The following CELF6 variants were observed in gnomAD, a reference collection of about 807,000 sequenced individuals.
CELF6 encodes the protein Bruno -like 6, RNA binding protein.
In CELF6, 32 loss-of-function variants were observed where a neutral mutation model predicts 53.1. The ratio of observed to expected loss-of-function variants is 0.60; its 90% CI spans 0.46 to 0.81. The LOEUF (loss-of-function observed/expected upper bound fraction) is 0.81. CELF6 is among the 30% of genes least tolerant of loss of function. CELF6 has a pLI of 0.00. For synonymous variants in CELF6, 291 were observed against 288.8 expected (o/e 1.01, Z -0.08); for missense variants, 539 against 669.5 (o/e 0.81, Z 2.15).
intron 3 of CELF6, among the ~76,000 whole-genome samples, chr15:72,297,281 C>T (rs578084878): frequency 6.6e-6 from 1 of 152,320 alleles, no homozygotes; most frequent in African/African-American, 2.4e-5. Flanking sequence ...AACATCTCCC[C>T]TTTCTCCATA....
At chr15:72,313,518 T>G (rs10152588) in intron 2 of CELF6, 24,922 of 152,258 alleles carry the variant, frequency 0.16, 5,903 homozygotes, top group African/African-American at 0.52. Context: ...TTAATTTTTT[T>G]GGGGGGGACC....
At chr15:72,304,303 C>G (rs528868368) in intron 3 of CELF6, among the ~76,000 whole-genome samples, 3 of 152,250 alleles carry the variant, frequency 2.0e-5, no homozygotes, top group African/African-American at 7.2e-5. Flanking sequence ...TATCTTTTAC[C>G]ATGAGCAGCT....
chr15:72,308,289 C>T (rs1041724272), intron 2 of CELF6, among the ~76,000 whole-genome samples: 4 of 152,086 alleles, frequency 2.6e-5, no homozygotes, highest in Admixed American at 6.5e-5. Flanking sequence ...AGTGCAATGG[C>T]GTAATCTCGC....
intron 3 of CELF6, among the ~76,000 whole-genome samples, chr15:72,291,786 G>C (rs2088009800): frequency 6.6e-6 from 1 of 152,164 alleles, no homozygotes; most frequent in Admixed American, 6.5e-5. Context: ...AGTTCATAAG[G>C]GGCAGGCAAA....
intron 2 of CELF6, among the ~76,000 whole-genome samples, chr15:72,311,060 T>G (rs1438293476): frequency 1.3e-5 from 2 of 152,240 alleles, no homozygotes; most frequent in African/African-American, 4.8e-5. Context: ...TGATAAAATA[T>G]GATCATGATT....
In CELF6 at chr15:72,288,477, C is replaced by T. The variant is rs746499365; in HGVS notation, c.1175-26G>A. On this transcript the variant is annotated intron_variant, in intron 10 of 12. Transcript: ENST00000287202. The surrounding 1 kb of genome is among the most constrained non-coding windows in gnomAD (Gnocchi z 4.6). ...CTGGAGGAACAGTAGCAAGCTGGTT[C>T]AGGGGAAGGACCCTGAGTCCAGCCC... 3 of 1,614,150 alleles carry T rather than the reference C, an allele frequency of 1.9e-6. No homozygotes were observed. Among genetic ancestry groups the T allele is most frequent in the East Asian group, 2.2e-5 (1 of 44,890 alleles).
rs1454939915 is a variant in CELF6, at chr15:72,288,782, G to A, written c.1093+86C>T. On this transcript the variant is annotated intron_variant, in intron 9 of 12. Transcript: ENST00000287202. The surrounding 1 kb of genome is among the most constrained non-coding windows in gnomAD (Gnocchi z 4.6). Reference sequence around the variant, plus strand: ...AGGGGATGGGAGGATCAACTCCTTGGAACAGAGCCTAAATCCCCCACAACT... The same window carrying A: ...AGGGGATGGGAGGATCAACTCCTTGAAACAGAGCCTAAATCCCCCACAACT... The A allele has an allele frequency of 7.1e-7, 1 of 1,409,618 alleles. No individual in the cohort carries two copies. Among genetic ancestry groups the A allele is most frequent in the Non-Finnish European group, 9.8e-7 (1 of 1,017,808 alleles). 87.3% of individuals were successfully genotyped at this position (1,409,618 alleles called of 1,614,324 possible). A position where few individuals can be genotyped will look rare whatever the true frequency, so the allele number is the denominator to read the frequency against.
Position 72,289,847 on chromosome 15 carries a change from G to A in CELF6, c.604-77C>T. ...CCGGGGCCGAGCGCCTTTCCCATCA[G>A]GTCCTTTCGCGGGGCACCGAGCACA... On this transcript the variant is annotated intron_variant, in intron 5 of 12. Transcript: ENST00000287202. This position sits in a 1 kb window ranked among gnomAD's most constrained non-coding sequence, Gnocchi z 7.6. The A allele has an allele frequency of 1.3e-6, 2 of 1,495,736 alleles. No homozygotes were observed. The highest frequency in any genetic ancestry group is 1.8e-6 in the Non-Finnish European group (2 of 1,125,588). 92.7% of individuals were successfully genotyped at this position (1,495,736 alleles called of 1,614,324 possible).
intron 3 of CELF6, among the ~76,000 whole-genome samples, chr15:72,291,527 G>T (rs1371375839): frequency 6.6e-6 from 1 of 152,150 alleles, no homozygotes; most frequent in Non-Finnish European, 1.5e-5. Flanking sequence ...AGGCAGATGG[G>T]GGTCCTTGGA....
intron 3 of CELF6, among the ~76,000 whole-genome samples, chr15:72,297,736 G>A (rs927098652): frequency 4.6e-5 from 7 of 152,162 alleles, no homozygotes; most frequent in African/African-American, 4.8e-5. Context: ...CCATGCTGAC[G>A]GAAATTGGGA....
Position 72,319,149 on chromosome 15 carries a change from G to A in CELF6, c.262+464C>T, listed in dbSNP as rs2088396975. On this transcript the variant is annotated intron_variant, in intron 1 of 12. Transcript: ENST00000287202. This position sits in a 1 kb window ranked among gnomAD's most constrained non-coding sequence, Gnocchi z 5.0. ...CTTGAGGGGGATGGCCGGACTAGGA[G>A]GCCAGAGGAGGGGTGCAAGTCCAAG... Among the ~76,000 whole-genome samples, 2 of 152,244 alleles carry A rather than the reference G, an allele frequency of 1.3e-5. No homozygotes were observed. Among genetic ancestry groups the A allele is most frequent in the South Asian group, 4.2e-4 (2 of 4,816 alleles).
At chr15:72,294,793 C>A (rs980916585) in intron 3 of CELF6, among the ~76,000 whole-genome samples, 3 of 151,228 alleles carry the variant, frequency 2.0e-5, no homozygotes, top group Non-Finnish European at 2.9e-5. Flanking sequence ...GGCTGGCCAA[C>A]ATAGTGAAAC....
chr15:72,288,994 C>G lies in CELF6; in HGVS notation c.1031-64G>C. ...GCGGGCGAGCAGAGTGGGTGAGAAG[C>G]TCAGGGAGTGTGGGAGGTGGACGGC... On this transcript the variant is annotated intron_variant, in intron 8 of 12. Coordinates refer to ENST00000287202, the MANE Select transcript of CELF6 (RefSeq NM_052840.5). This position sits in a 1 kb window ranked among gnomAD's most constrained non-coding sequence, Gnocchi z 4.6. 1 of 1,451,264 alleles carries G rather than the reference C, an allele frequency of 6.9e-7. No homozygotes were observed. The highest frequency in any genetic ancestry group is 9.4e-7 in the Non-Finnish European group (1 of 1,064,256). The allele number at this position is 1,451,264 out of a possible 1,614,324, so 89.9% of individuals were successfully genotyped here.
chr15:72,308,200 C>T (rs1339062974), intron 2 of CELF6, among the ~76,000 whole-genome samples: 2 of 151,734 alleles, frequency 1.3e-5, no homozygotes, highest in African/African-American at 2.4e-5. Flanking sequence ...TTAGTAGATA[C>T]CTCAGATATA....
In CELF6 at chr15:72,286,045, G is replaced by T. The variant is rs895414280; in HGVS notation, c.*326C>A. On this transcript the variant is annotated 3_prime_UTR_variant, in exon 13 of 13. Transcript: ENST00000287202. ...CTTTGGTCCCTAAACTCTAAGGAAT[G>T]ATATGATTTTGAAAGAAGTAAATCT... 2 of 152,628 alleles carry T rather than the reference G, an allele frequency of 1.3e-5. No homozygotes were observed. The highest frequency in any genetic ancestry group is 6.5e-5 in the Admixed American group (1 of 15,280). The allele number at this position is 152,628 out of a possible 1,614,324, so 9.5% of individuals were successfully genotyped here.
At chr15:72,315,991 C>A in intron 1 of CELF6, 64 bp from the exon 2 acceptor site, 2 of 1,131,456 alleles carry the variant, frequency 1.8e-6, no homozygotes, top group South Asian at 1.4e-5. Context: ...CTTCGAAATA[C>A]CCCACTAAGT....
intron 2 of CELF6, among the ~76,000 whole-genome samples, chr15:72,314,931 C>G (rs78603298): frequency 0.022 from 3,387 of 152,202 alleles, 124 homozygotes; most frequent in African/African-American, 0.079. Context: ...GCTTATGATG[C>G]CTCCCTATTA....
At chr15:72,304,460 G>C (rs1033761551) in intron 3 of CELF6, among the ~76,000 whole-genome samples, 8 of 152,176 alleles carry the variant, frequency 5.3e-5, no homozygotes, top group African/African-American at 1.9e-4. Flanking sequence ...TGGCAAAACA[G>C]GAATGATCTC....
intron 2 of CELF6, among the ~76,000 whole-genome samples, chr15:72,309,666 C>A (rs1326868833): frequency 6.6e-6 from 1 of 152,188 alleles, no homozygotes; most frequent in African/African-American, 2.4e-5. Context: ...AGAAAGAGAG[C>A]TGCCCCCATG....
Sources: gnomAD v4.1 joint callset for allele counts (sites outside exome capture counted in the v4.1 genomes callset) on GRCh38, gnomAD v4.1.1 for gene constraint, Gnocchi (gnomAD v3.1) non-coding constraint, MANE v1.5 for transcripts, NCBI Gene and HGNC (gene_info 2026-07-23, HGNC 2026-07-21) for gene names.